Variants in TMEM140 observed in about 807,000 individuals in gnomAD.
TMEM140 encodes transmembrane protein 140.
For missense variants in TMEM140, 236 were observed against 228.5 expected (o/e 1.03, Z -0.21); for synonymous variants, 107 against 106.8 (o/e 1.00, Z -0.01).
intron 1 of TMEM140, among the ~76,000 whole-genome samples, chr7:135,162,617 A>T (rs1280543717): frequency 1.3e-5 from 2 of 152,210 alleles, no homozygotes; most frequent in Non-Finnish European, 2.9e-5. Context: ...TAAAACCATC[A>T]GATATCATGA....
At position 135,161,758 on chromosome 7, in the gene TMEM140, G is replaced by A. The variant is rs1447836151; in HGVS notation, c.-24-2660G>A. The stretch of plus-strand genomic sequence containing the variant: ...TCAAACCCGAGTCTTCAGACCCTTG[G>A]CCCTCTGGGACCTCCAGAGCCTTTG... On this transcript the variant is annotated intron_variant, in intron 1 of 1. Transcript: ENST00000275767. The surrounding 1 kb of genome is among the most constrained non-coding windows in gnomAD (Gnocchi z 4.1). Among the ~76,000 whole-genome samples, 1 of 152,104 alleles carries A rather than the reference G, an allele frequency of 6.6e-6. No individual in the cohort carries two copies. Among genetic ancestry groups the A allele is most frequent in the African/African-American group, 2.4e-5 (1 of 41,422 alleles).
At chr7:135,160,217 T>C (rs1214212785) in intron 1 of TMEM140, among the ~76,000 whole-genome samples, 1 of 152,244 alleles carries the variant, frequency 6.6e-6, no homozygotes, top group Non-Finnish European at 1.5e-5. Context: ...TTTAGTCTTT[T>C]CTCTGCACTT....
intron 1 of TMEM140, among the ~76,000 whole-genome samples, chr7:135,162,877 AAAG>A (rs1829981868): frequency 6.6e-6 from 1 of 152,258 alleles, no homozygotes; most frequent in Non-Finnish European, 1.5e-5. Context: ...AACGGAGTGA[AAAG>A]AATTTTTTAA....
At chr7:135,159,235 G>A (rs1201520748) in intron 1 of TMEM140, among the ~76,000 whole-genome samples, 3 of 152,160 alleles carry the variant, frequency 2.0e-5, no homozygotes, top group Non-Finnish European at 4.4e-5. Flanking sequence ...TTACTATTCT[G>A]GTTTCTCACC....
At chr7:135,162,216 A>C (rs761901114) in intron 1 of TMEM140, among the ~76,000 whole-genome samples, 7 of 152,208 alleles carry the variant, frequency 4.6e-5, no homozygotes, top group Non-Finnish European at 8.8e-5. Context: ...CTGTTCCCCC[A>C]GAGGGGTCCC....
At chr7:135,148,881 T>A (rs760889092) in intron 1 of TMEM140, among the ~76,000 whole-genome samples, 1 of 152,180 alleles carries the variant, frequency 6.6e-6, no homozygotes, top group Non-Finnish European at 1.5e-5. Flanking sequence ...ATGCATATTT[T>A]AAGAGATTTT....
chr7:135,164,534 T>A lies in TMEM140; in HGVS notation c.93T>A (p.Ala31=). Residue 31 remains alanine, a synonymous_variant, in exon 2 of 2, where the codon GCT becomes GCA. Transcript: ENST00000275767. ...TGGTCATCTGCCTGATGTTTTACGCTCTTCTCTGGGAGGCTGGCAACCTCA... is the reference window on the plus strand; with the variant it reads ...TGGTCATCTGCCTGATGTTTTACGCACTTCTCTGGGAGGCTGGCAACCTCA... ...VIVVICLMFY[A]LLWEAGNLTD... 6.2e-7 allele frequency: 1 copy of A among 1,614,156 alleles called. No individual in the cohort carries two copies. Among genetic ancestry groups the A allele is most frequent in the Non-Finnish European group, 8.5e-7 (1 of 1,179,976 alleles).
intron 1 of TMEM140, among the ~76,000 whole-genome samples, chr7:135,156,030 CTGTTT>C (rs1422065706): frequency 8.6e-6 from 1 of 116,082 alleles, no homozygotes; most frequent in Non-Finnish European, 2.0e-5. Context: ...GACAGACACA[CTGTTT>C]TTTTTTTTCC....
intron 1 of TMEM140, 103 bp downstream of exon 1, chr7:135,148,373 T>C (rs566882018): frequency 9.2e-6 from 3 of 327,148 alleles, no homozygotes; most frequent in South Asian, 2.5e-5. Context: ...GCAATCCACA[T>C]AGGGGAACTC....
In TMEM140 at chr7:135,165,151, G is replaced by A. The variant is rs1830061377; in HGVS notation, c.*152G>A. 2 of 787,188 alleles carry A rather than the reference G, an allele frequency of 2.5e-6. No individual in the cohort carries two copies. Among genetic ancestry groups the A allele is most frequent in the African/African-American group, 3.5e-5 (2 of 57,160 alleles). The allele number at this position is 787,188 out of a possible 1,614,324, so 48.8% of individuals were successfully genotyped here. A position where few individuals can be genotyped will look rare whatever the true frequency, so the allele number is the denominator to read the frequency against. ...GGGCCCCTGTGTCAAAGAGGCCGAG[G>A]GGCAGCAAGGGCAGCCAGGGCACCT... On this transcript the variant is annotated 3_prime_UTR_variant, in exon 2 of 2. Coordinates refer to ENST00000275767, the MANE Select transcript of TMEM140 (RefSeq NM_018295.5).
chr7:135,157,591 A>C (rs146555433), intron 1 of TMEM140, among the ~76,000 whole-genome samples: 5 of 152,286 alleles, frequency 3.3e-5, no homozygotes, highest in African/African-American at 9.6e-5. Context: ...TGGTGAGCCC[A>C]GTGTGTGGGC....
rs1442745698 is a variant in TMEM140 at position 135,161,587 on chromosome 7, A to C, written c.-24-2831A>C. 1.3e-5 allele frequency among the ~76,000 whole-genome samples: 2 copies of C among 152,214 alleles called. No homozygotes were observed. Among genetic ancestry groups the C allele is most frequent in the Non-Finnish European group, 2.9e-5 (2 of 68,034 alleles). ...ATTTACTAAATAAGCAAAACCATAC[A>C]AAATATGTTCCCGTCGGCAATTTTT... is the stretch of plus-strand genomic sequence containing the variant. On this transcript the variant is annotated intron_variant, in intron 1 of 1. Transcript: ENST00000275767. This position sits in a 1 kb window ranked among gnomAD's most constrained non-coding sequence, Gnocchi z 4.1.
chr7:135,159,456 G>A (rs925156158), intron 1 of TMEM140, among the ~76,000 whole-genome samples: 1 of 152,184 alleles, frequency 6.6e-6, no homozygotes, highest in South Asian at 2.1e-4. Flanking sequence ...TTAATCTCCT[G>A]AGAATACTTT....
chr7:135,152,337 G>A lies in TMEM140; in HGVS notation c.-25+4067G>A, dbSNP rs149903539. Among the ~76,000 whole-genome samples the A allele has an allele frequency of 4.8e-3, 733 of 152,336 alleles. 7 individuals carry two copies. The highest frequency in any genetic ancestry group is 6.6e-3 in the Non-Finnish European group (448 of 68,028). ...AATAACATCCACACAAGGGTGTTGT[G>A]AAGATTAAATGAGTTAATGCACGTA... On this transcript the variant is annotated intron_variant, in intron 1 of 1. Transcript: ENST00000275767.
rs559385983 is a variant in TMEM140 at position 135,164,782 on chromosome 7, G to A, written c.341G>A (p.Arg114Gln). 111 of 1,614,210 alleles carry A rather than the reference G, an allele frequency of 6.9e-5. No homozygotes were observed. The highest frequency in any genetic ancestry group is 8.7e-5 in the Non-Finnish European group (103 of 1,180,012). Residue 114 changes from arginine to glutamine, a missense_variant, in exon 2 of 2, where the codon CGG (arginine) becomes CAG (glutamine). Physicochemically the swap from Arg to Gln is conservative, Grantham distance 43. Coordinates refer to ENST00000275767, the MANE Select transcript of TMEM140 (RefSeq NM_018295.5). ...TGCAACAGTGATGAGAGAGCGTGGC[G>A]GCTGGCAGTGGGCTTCCTGGCTGTG... ...AQCNSDERAW[R>Q]LAVGFLAVSS...
chr7:135,156,851 G>C (rs7790371), intron 1 of TMEM140, among the ~76,000 whole-genome samples: 73,428 of 151,926 alleles, frequency 0.48, 18,095 homozygotes, highest in South Asian at 0.64. Flanking sequence ...GAGAGGGGAC[G>C]CCAGGGGAGG....
In TMEM140 at chr7:135,165,489, TG is replaced by T. The variant is rs1830073961; in HGVS notation, c.*493del. 5.9e-6 allele frequency: 1 copy of T among 170,056 alleles called. No individual in the cohort carries two copies. The highest frequency in any genetic ancestry group is 2.4e-5 in the African/African-American group (1 of 41,548). 10.5% of individuals were successfully genotyped at this position (170,056 alleles called of 1,614,324 possible). On this transcript the variant is annotated 3_prime_UTR_variant, in exon 2 of 2. Transcript: ENST00000275767. ...CTTCCACTCAGCCCACCATAGTGAG[TG>T]GGCCGCCATAAGCCATCACTGGAAC...
Position 135,148,093 on chromosome 7 carries a change from G to T in TMEM140, c.-202G>T, listed in dbSNP as rs753203033. The T allele has an allele frequency of 1.2e-4, 54 of 456,040 alleles. 2 individuals carry two copies. Among genetic ancestry groups the T allele is most frequent in the South Asian group, 6.7e-4 (43 of 64,564 alleles). 28.2% of individuals were successfully genotyped at this position (456,040 alleles called of 1,614,324 possible). On this transcript the variant is annotated 5_prime_UTR_variant, in exon 1 of 2. Transcript: ENST00000275767. The stretch of plus-strand genomic sequence containing the variant: ...GTTCAGAGAGCTGTTTACTAGGCAC[G>T]ACTGCGAAGGCAAGGGGGCACCAGC...
intron 1 of TMEM140, among the ~76,000 whole-genome samples, chr7:135,157,090 G>A (rs1410863734): frequency 1.3e-5 from 2 of 152,180 alleles, no homozygotes; most frequent in Non-Finnish European, 2.9e-5. Context: ...TCTCAGGTAT[G>A]TCTTTATCAG....
Sources: allele counts gnomAD v4.1 joint callset (sites outside exome capture counted in the v4.1 genomes callset), GRCh38; gene constraint gnomAD v4.1.1; non-coding constraint Gnocchi (gnomAD v3.1); transcripts MANE v1.5; gene names NCBI Gene and HGNC (gene_info 2026-07-23, HGNC 2026-07-21).